DOK6: variants seen among roughly 807,000 people sequenced by gnomAD.
DOK6 encodes the protein docking protein 6.
Under a neutral mutation model 44.0 loss-of-function variants are expected in DOK6, and 22 were observed. The ratio of observed to expected loss-of-function variants is 0.50; its 90% CI spans 0.36 to 0.71. The LOEUF (loss-of-function observed/expected upper bound fraction) is 0.71, where lower values mean the gene tolerates loss of function less well. DOK6 is among the 30% of genes least tolerant of loss of function. The pLI is 0.00. For synonymous variants in DOK6, 166 were observed against 145.5 expected (o/e 1.14, Z -1.01); for missense variants, 340 against 416.4 (o/e 0.82, Z 1.60).
chr18:69,516,241 T>A (rs184147446), intron 1 of DOK6, among the ~76,000 whole-genome samples: 1 of 98,638 alleles, frequency 1.0e-5, no homozygotes, highest in South Asian at 2.4e-4. Context: ...GTTAAGAAGA[T>A]CCTTTTTTAG....
intron 5 of DOK6, among the ~76,000 whole-genome samples, chr18:69,737,368 C>T (rs1978646356): frequency 6.6e-6 from 1 of 152,130 alleles, no homozygotes. Flanking sequence ...ACCATCAGAT[C>T]TCGCGAGAAC....
At position 69,612,441 on chromosome 18, in the gene DOK6, G is replaced by GGGCGCATGTGTGCGAC. The variant is rs1555716991; in HGVS notation, c.289+12958_289+12959insCGGCGCATGTGTGCGA. Among the ~76,000 whole-genome samples, 66 of 143,514 alleles carry GGGCGCATGTGTGCGAC rather than the reference G, an allele frequency of 4.6e-4. 22 individuals carry two copies. Among genetic ancestry groups the GGGCGCATGTGTGCGAC allele is most frequent in the Non-Finnish European group, 6.9e-4 (44 of 63,712 alleles). The allele number at this position is 143,514 out of a possible 152,430, so 94.2% of individuals were successfully genotyped here. The stretch of plus-strand genomic sequence containing the variant: ...TGTGTGCGAGGGCGCATGTGTGCGA[G>GGGCGCATGTGTGCGAC]GGCGCATGTGTGCGAGCGTGCATAT... On this transcript the variant is annotated intron_variant, in intron 3 of 7. Transcript: ENST00000382713.
At chr18:69,560,550 T>C (rs1390220959) in intron 1 of DOK6, among the ~76,000 whole-genome samples, 1 of 152,190 alleles carries the variant, frequency 6.6e-6, no homozygotes, top group Non-Finnish European at 1.5e-5. Flanking sequence ...TGATACTATA[T>C]ATAATTCTCG....
At chr18:69,540,074 T>C (rs1599181010) in intron 1 of DOK6, among the ~76,000 whole-genome samples, 2 of 152,106 alleles carry the variant, frequency 1.3e-5, no homozygotes, top group East Asian at 3.9e-4. Flanking sequence ...CCATCATGTC[T>C]CCTGAGAACA....
chr18:69,650,364 A>G (rs1314807877), intron 3 of DOK6, among the ~76,000 whole-genome samples: 2 of 152,056 alleles, frequency 1.3e-5, no homozygotes, highest in East Asian at 3.9e-4. Flanking sequence ...AGTCGGGCAT[A>G]AGGTTCTGTT....
intron 3 of DOK6, among the ~76,000 whole-genome samples, chr18:69,657,100 T>C (rs1985387845): frequency 6.6e-6 from 1 of 152,176 alleles, no homozygotes; most frequent in Non-Finnish European, 1.5e-5. Context: ...TTCTAAGATA[T>C]CTCCAATTGA....
intron 3 of DOK6, among the ~76,000 whole-genome samples, chr18:69,627,528 A>C (rs1419621751): frequency 5.3e-5 from 8 of 152,118 alleles, no homozygotes; most frequent in Non-Finnish European, 7.4e-5. Context: ...GGCTCACTGC[A>C]ACCTCTGCCT....
rs181487734 is a variant in DOK6 at position 69,470,909 on chromosome 18, C to T, written c.66+69599C>T. 3.9e-5 allele frequency among the ~76,000 whole-genome samples: 6 copies of T among 152,120 alleles called. No homozygotes were observed. The East Asian group carries it at 1.2e-3, about 29-fold the overall frequency. On this transcript the variant is annotated intron_variant, in intron 1 of 7. Transcript: ENST00000382713. ...GAGGGGGCTCAGAGTAAATACTTAA[C>T]AGTAAACAAAAAATAGATGAAGATA...
intron 3 of DOK6, among the ~76,000 whole-genome samples, chr18:69,602,982 G>C (rs916934820): frequency 6.6e-6 from 1 of 152,168 alleles, no homozygotes; most frequent in Non-Finnish European, 1.5e-5. Flanking sequence ...CATTGCCACT[G>C]TTCAGTGGCT....
chr18:69,767,024 C>T (rs180925035), intron 7 of DOK6, among the ~76,000 whole-genome samples: 9 of 152,052 alleles, frequency 5.9e-5, no homozygotes, highest in Admixed American at 2.0e-4. Context: ...GCCTAGAGTT[C>T]GAGACCAGCC....
rs549897126 is a variant in DOK6, at chr18:69,723,486, C to T, written c.600-15479C>T. On this transcript the variant is annotated intron_variant, in intron 5 of 7. Coordinates refer to ENST00000382713, the MANE Select transcript of DOK6 (RefSeq NM_152721.6). ...TTGCTAGTTTGATAGAACACACGCT[C>T]GGGTGTGATTGGGCCTGTCAGGGGT... 9.2e-5 allele frequency among the ~76,000 whole-genome samples: 14 copies of T among 152,220 alleles called. No homozygotes were observed. The East Asian group carries it at 2.5e-3, about 27-fold the overall frequency.
rs911037196 is a variant in DOK6 at position 69,808,897 on chromosome 18, T to C, written c.857-32347T>C. Among the ~76,000 whole-genome samples, 5 of 151,876 alleles carry C rather than the reference T, an allele frequency of 3.3e-5. No homozygotes were observed. In the South Asian group the frequency reaches 1.0e-3, roughly 31 times the overall value. On this transcript the variant is annotated intron_variant, in intron 7 of 7. Transcript: ENST00000382713. ...AACATTAATCATTCCCAAACTCCTG[T>C]CACTCTTCCAAAACATAGAAGAAGA... is the stretch of plus-strand genomic sequence containing the variant.
At chr18:69,669,736 T>G (rs1458483384) in intron 3 of DOK6, among the ~76,000 whole-genome samples, 1 of 152,142 alleles carries the variant, frequency 6.6e-6, no homozygotes, top group African/African-American at 2.4e-5. Flanking sequence ...TTCTCTGCCT[T>G]GAGATTTTCT....
intron 7 of DOK6, among the ~76,000 whole-genome samples, chr18:69,761,395 A>C (rs1329603581): frequency 6.6e-6 from 1 of 152,160 alleles, no homozygotes; most frequent in Non-Finnish European, 1.5e-5. Flanking sequence ...ATTGTTGCCC[A>C]ACACTGCTGG....
intron 3 of DOK6, among the ~76,000 whole-genome samples, chr18:69,612,905 A>G (rs934516487): frequency 6.7e-6 from 1 of 148,466 alleles, no homozygotes; most frequent in African/African-American, 2.5e-5. Context: ...CTTTTGAGAC[A>G]GGGTCTTGCT....
At chr18:69,522,980 G>A (rs1168708945) in intron 1 of DOK6, among the ~76,000 whole-genome samples, 2 of 152,072 alleles carry the variant, frequency 1.3e-5, no homozygotes, top group African/African-American at 4.8e-5. Flanking sequence ...AAGCATTAAG[G>A]GATAGCTATT....
chr18:69,553,737 C>G (rs940101385), intron 1 of DOK6, among the ~76,000 whole-genome samples: 3 of 152,194 alleles, frequency 2.0e-5, no homozygotes, highest in Non-Finnish European at 4.4e-5. Flanking sequence ...TCACTCCAGA[C>G]TCCAATTGAA....
At chr18:69,551,772 T>C (rs967388471) in intron 1 of DOK6, among the ~76,000 whole-genome samples, 3 of 152,208 alleles carry the variant, frequency 2.0e-5, no homozygotes, top group African/African-American at 7.2e-5. Flanking sequence ...AAAATTTCAC[T>C]CTTAGCAAAA....
At chr18:69,477,000 G>A (rs554261291) in intron 1 of DOK6, among the ~76,000 whole-genome samples, 1 of 152,300 alleles carries the variant, frequency 6.6e-6, no homozygotes, top group African/African-American at 2.4e-5. Context: ...TTTGCCTGAA[G>A]TCTTAATTCT....
Sources: gnomAD v4.1 joint callset for allele counts (sites outside exome capture counted in the v4.1 genomes callset) on GRCh38, gnomAD v4.1.1 for gene constraint, MANE v1.5 for transcripts, NCBI Gene and HGNC (gene_info 2026-07-23, HGNC 2026-07-21) for gene names.